Variants in EGFR observed in about 807,000 individuals in gnomAD.
The protein encoded by EGFR is epidermal growth factor receptor, also known as avian erythroblastic leukemia viral (v-erb-b) oncogene homolog.
EGFR carries 58 observed loss-of-function variants against 143.0 expected under a neutral mutation model. That is an observed-to-expected ratio of 0.41 (90% CI 0.33 to 0.50). EGFR has a LOEUF of 0.50. Ranked by LOEUF, EGFR falls within the 20% of genes least tolerant of loss-of-function variation. The pLI is 0.39. For missense variants in EGFR, 1,307 were observed against 1,579.0 expected (o/e 0.83, Z 2.92); for synonymous variants, 613 against 594.4 (o/e 1.03, Z -0.45).
intron 5 of EGFR, 117 bp from the exon 6 acceptor site, chr7:55,152,429 T>C (rs1785202957): frequency 2.9e-5 from 27 of 943,394 alleles, no homozygotes; most frequent in Non-Finnish European, 5.3e-6. Flanking sequence ...GTGGTTTCGT[T>C]GGAAGCAAAT....
chr7:55,198,931 T>C (rs1170311576), intron 23 of EGFR, 68 bp downstream of exon 23: 2 of 1,597,474 alleles, frequency 1.3e-6, no homozygotes, highest in African/African-American at 2.7e-5. Context: ...GCCAAACAGC[T>C]GAGGCCTTTG....
At position 55,154,176 on chromosome 7, in the gene EGFR, C is replaced by T. The variant is rs999828279; in HGVS notation, c.889+24C>T. On this transcript the variant is annotated intron_variant, in intron 7 of 27. Coordinates refer to ENST00000275493, the MANE Select transcript of EGFR (RefSeq NM_005228.5). ...CCGTGAGTCCTCCTCTGTGGGCCCTCTAACTGGTCAGGCATCCTTGTCCCG... is the reference window on the plus strand; with the variant it reads ...CCGTGAGTCCTCCTCTGTGGGCCCTTTAACTGGTCAGGCATCCTTGTCCCG... 6 of 1,614,116 alleles carry T rather than the reference C, an allele frequency of 3.7e-6. No homozygotes were observed. In the African/African-American group the frequency reaches 8.0e-5, roughly 22 times the overall value.
At chr7:55,081,201 A>G (rs1271018995) in intron 1 of EGFR, among the ~76,000 whole-genome samples, 3 of 152,248 alleles carry the variant, frequency 2.0e-5, no homozygotes, top group Non-Finnish European at 4.4e-5. Flanking sequence ...CTTGCAGATC[A>G]GAATGGAAAT....
rs190561568 is a variant in EGFR at position 55,092,483 on chromosome 7, G to A, written c.89-49803G>A. Reference sequence around the variant, plus strand: ...TGTAGGGCACTTGCAATCAAAACTAGGCTTAAAGCCCAACCCTCTTACATT... The same window carrying A: ...TGTAGGGCACTTGCAATCAAAACTAAGCTTAAAGCCCAACCCTCTTACATT... On this transcript the variant is annotated intron_variant, in intron 1 of 27. Coordinates refer to ENST00000275493, the MANE Select transcript of EGFR (RefSeq NM_005228.5). Among the ~76,000 whole-genome samples, 17 of 152,186 alleles carry A rather than the reference G, an allele frequency of 1.1e-4. No individual in the cohort carries two copies. In the East Asian group the frequency reaches 3.1e-3, roughly 28 times the overall value.
chr7:55,047,058 T>C (rs1016757181), intron 1 of EGFR, among the ~76,000 whole-genome samples: 1 of 152,246 alleles, frequency 6.6e-6, no homozygotes, highest in Admixed American at 6.5e-5. Context: ...TTGAGACACC[T>C]TGTAAAAGTT....
chr7:55,067,919 T>TGTG (rs1491208763), intron 1 of EGFR, among the ~76,000 whole-genome samples: 1 of 151,216 alleles, frequency 6.6e-6, no homozygotes, highest in Admixed American at 6.6e-5. Context: ...TTCCTGTGTA[T>TGTG]GTGTGTCTGC....
chr7:55,116,548 C>CAT (rs1262586035), intron 1 of EGFR, among the ~76,000 whole-genome samples: 6 of 151,930 alleles, frequency 3.9e-5, no homozygotes, highest in African/African-American at 1.5e-4. Context: ...CACACACACA[C>CAT]ACACACACAA....
At position 55,040,042 on chromosome 7, in the gene EGFR, G is replaced by A. The variant is rs146915468; in HGVS notation, c.88+20677G>A. Among the ~76,000 whole-genome samples the A allele has an allele frequency of 1.8e-4, 27 of 152,204 alleles. No individual in the cohort carries two copies. In the East Asian group the frequency reaches 3.7e-3, roughly 21 times the overall value. ...GTGACGCAGAAATTCAGAATTCCCC[G>A]CATGTGTCCCGGTTTGAAAGCCACT... On this transcript the variant is annotated intron_variant, in intron 1 of 27. Transcript: ENST00000275493.
At position 55,192,837 on chromosome 7, in the gene EGFR, C is replaced by T. The variant is rs1584258552; in HGVS notation, c.2697C>T (p.Ser899=). 3.1e-6 allele frequency: 5 copies of T among 1,614,092 alleles called. No individual in the cohort carries two copies. Among genetic ancestry groups the T allele is most frequent in the Non-Finnish European group, 4.2e-6 (5 of 1,179,936 alleles). The change falls in exon 22 of 28, where the codon AGC becomes AGT. Residue 899 remains serine (S), a synonymous_variant. Transcript: ENST00000275493. The stretch of plus-strand genomic sequence containing the variant: ...ATACCCACCAGAGTGATGTCTGGAG[C>T]TACGGTGAGTCATAATCCTGATGCT... ...RIYTHQSDVW[S]YGVTVWELMT... is the part of the protein sequence containing the mutation.
intron 17 of EGFR, among the ~76,000 whole-genome samples, chr7:55,173,480 C>T (rs1786452539): frequency 6.6e-6 from 1 of 152,230 alleles, no homozygotes; most frequent in Admixed American, 6.5e-5. Context: ...CCATTGTCCA[C>T]ACAGTGGCTT....
chr7:55,051,095 T>A (rs911194922), intron 1 of EGFR, among the ~76,000 whole-genome samples: 2 of 152,166 alleles, frequency 1.3e-5, no homozygotes, highest in African/African-American at 4.8e-5. Flanking sequence ...GTGCCTTTGG[T>A]GCTGGCCCAT....
chr7:55,129,729 C>T (rs1793729329), intron 1 of EGFR, among the ~76,000 whole-genome samples: 1 of 152,214 alleles, frequency 6.6e-6, no homozygotes, highest in African/African-American at 2.4e-5. Context: ...ACTTCAATTC[C>T]TTTATTTAGC....
intron 1 of EGFR, among the ~76,000 whole-genome samples, chr7:55,037,243 A>C (rs1787639118): frequency 1.3e-5 from 2 of 152,212 alleles, no homozygotes; most frequent in Non-Finnish European, 2.9e-5. Flanking sequence ...GGCATGTGTC[A>C]AATGTCTACT....
rs749248644 is a variant in EGFR, at chr7:55,201,375, C to T, written c.3114+20C>T. ...TCTCTGGTATGAAATCTCTGTCTCT[C>T]TCTCTCTCTCAAGCTGTGTCTACTC... is the stretch of plus-strand genomic sequence containing the variant. On this transcript the variant is annotated intron_variant, in intron 25 of 27. Coordinates refer to ENST00000275493, the MANE Select transcript of EGFR (RefSeq NM_005228.5). 6.2e-7 allele frequency: 1 copy of T among 1,614,048 alleles called. No individual in the cohort carries two copies. The highest frequency in any genetic ancestry group is 1.6e-4 in the Middle Eastern group (1 of 6,062).
At chr7:55,034,210 G>A (rs139591522) in intron 1 of EGFR, among the ~76,000 whole-genome samples, 30 of 152,198 alleles carry the variant, frequency 2.0e-4, no homozygotes, top group Middle Eastern at 3.4e-3. Flanking sequence ...TTCCCCCTCT[G>A]CATTATTGTT....
intron 1 of EGFR, among the ~76,000 whole-genome samples, chr7:55,137,328 A>G (rs574322172): frequency 3.3e-5 from 5 of 152,304 alleles, no homozygotes; most frequent in Admixed American, 2.6e-4. Context: ...AAACAATTAT[A>G]GTTTACTTAG....
intron 1 of EGFR, among the ~76,000 whole-genome samples, chr7:55,020,826 G>A (rs1359170403): frequency 6.6e-6 from 1 of 151,986 alleles, no homozygotes; most frequent in East Asian, 1.9e-4. Context: ...CGTTGGGGGA[G>A]GGGCAAGGCA....
intron 1 of EGFR, among the ~76,000 whole-genome samples, chr7:55,137,724 C>T (rs1012667897): frequency 2.0e-5 from 3 of 152,174 alleles, no homozygotes; most frequent in Non-Finnish European, 4.4e-5. Flanking sequence ...ATAAGGCTTG[C>T]TCAAGAGGAC....
chr7:55,068,592 C>T (rs1272985427), intron 1 of EGFR, among the ~76,000 whole-genome samples: 1 of 152,182 alleles, frequency 6.6e-6, no homozygotes, highest in Non-Finnish European at 1.5e-5. Flanking sequence ...GGATCTGCTC[C>T]TGGTCGTTTC....
Sources: allele counts gnomAD v4.1 joint callset (sites outside exome capture counted in the v4.1 genomes callset), GRCh38; gene constraint gnomAD v4.1.1; transcripts MANE v1.5; gene names NCBI Gene and HGNC (gene_info 2026-07-23, HGNC 2026-07-21).